HS3ST4: variants seen among roughly 807,000 people sequenced by gnomAD.
HS3ST4 encodes heparan sulfate glucosamine 3-O-sulfotransferase 4.
In HS3ST4, 17 loss-of-function variants were observed where a neutral mutation model predicts 29.2. The ratio of observed to expected loss-of-function variants is 0.58; its 90% confidence interval spans 0.40 to 0.87. HS3ST4 has a LOEUF of 0.87. Ranked by LOEUF, HS3ST4 falls within the 40% of genes least tolerant of loss-of-function variation. HS3ST4 has a pLI of 0.00. For missense variants in HS3ST4, 627 were observed against 634.5 expected (o/e 0.99, Z 0.13); for synonymous variants, 314 against 285.7 (o/e 1.10, Z -1.00).
At chr16:26,075,233 CTCTT>C (rs2141779309) in intron 1 of HS3ST4, among the ~76,000 whole-genome samples, 1 of 152,210 alleles carries the variant, frequency 6.6e-6, no homozygotes. Flanking sequence ...GTTGAGAAAA[CTCTT>C]CCAGACCAAC....
At chr16:25,950,670 G>A (rs186397511) in intron 1 of HS3ST4, among the ~76,000 whole-genome samples, 3 of 152,122 alleles carry the variant, frequency 2.0e-5, no homozygotes, top group Admixed American at 2.0e-4. Context: ...AAAGATCTAG[G>A]TTTGACACCT....
chr16:26,109,917 G>T (rs1053028463), intron 1 of HS3ST4, among the ~76,000 whole-genome samples: 1 of 152,014 alleles, frequency 6.6e-6, no homozygotes, highest in Non-Finnish European at 1.5e-5. Flanking sequence ...GAATATTTAA[G>T]ATCTACTTTC....
In HS3ST4 at chr16:26,136,508, T is replaced by A; in HGVS notation, c.*260T>A. ...CACCAGAACCCACTGTTCATTCTTA[T>A]CTTCTGCTAGTTAATATAGCCTGAA... On this transcript the variant is annotated 3_prime_UTR_variant, in exon 2 of 2. Coordinates refer to ENST00000331351, the MANE Select transcript of HS3ST4 (RefSeq NM_006040.3). 2 of 529,990 alleles carry A rather than the reference T, an allele frequency of 3.8e-6. No individual in the cohort carries two copies. Among genetic ancestry groups the A allele is most frequent in the South Asian group, 4.7e-5 (2 of 42,384 alleles). 32.8% of individuals were successfully genotyped at this position (529,990 alleles called of 1,614,324 possible).
At chr16:26,129,268 G>A (rs1052084518) in intron 1 of HS3ST4, among the ~76,000 whole-genome samples, 2 of 152,214 alleles carry the variant, frequency 1.3e-5, no homozygotes, top group Admixed American at 6.5e-5. Flanking sequence ...AACACATAAT[G>A]TGTCTCCTTT....
intron 1 of HS3ST4, among the ~76,000 whole-genome samples, chr16:26,092,956 G>T (rs1452289869): frequency 1.3e-5 from 2 of 152,314 alleles, no homozygotes; most frequent in African/African-American, 2.4e-5. Flanking sequence ...CTGACTCGGT[G>T]GGTCCTTCGC....
chr16:25,832,194 C>G (rs1161806796), intron 1 of HS3ST4, among the ~76,000 whole-genome samples: 1 of 152,184 alleles, frequency 6.6e-6, no homozygotes, highest in Non-Finnish European at 1.5e-5. Flanking sequence ...GGATCAGGGT[C>G]TCCATCAGGG....
intron 1 of HS3ST4, among the ~76,000 whole-genome samples, chr16:25,747,542 A>G (rs1003214551): frequency 6.6e-6 from 1 of 152,228 alleles, no homozygotes; most frequent in African/African-American, 2.4e-5. Flanking sequence ...GCATTTCCTC[A>G]TTTAATCCTC....
At chr16:25,810,498 T>C (rs1474884798) in intron 1 of HS3ST4, among the ~76,000 whole-genome samples, 1 of 152,228 alleles carries the variant, frequency 6.6e-6, no homozygotes, top group Non-Finnish European at 1.5e-5. Context: ...TGTTGAGCTC[T>C]ACTTCTCTGT....
intron 1 of HS3ST4, among the ~76,000 whole-genome samples, chr16:25,924,132 T>C (rs1266248079): frequency 6.6e-6 from 1 of 152,194 alleles, no homozygotes; most frequent in Non-Finnish European, 1.5e-5. Context: ...TGGCATCCAC[T>C]GTCTCAGTTA....
chr16:26,022,746 C>G (rs1406158486), intron 1 of HS3ST4, among the ~76,000 whole-genome samples: 1 of 151,008 alleles, frequency 6.6e-6, no homozygotes, highest in Non-Finnish European at 1.5e-5. Flanking sequence ...CTGGGCTGCT[C>G]AAGTAATCCT....
At chr16:25,946,123 A>G (rs1968623897) in intron 1 of HS3ST4, among the ~76,000 whole-genome samples, 1 of 152,160 alleles carries the variant, frequency 6.6e-6, no homozygotes, top group African/African-American at 2.4e-5. Context: ...TTTCTTGTGC[A>G]TCGATTTTGA....
chr16:26,025,999 C>T (rs192795754), intron 1 of HS3ST4, among the ~76,000 whole-genome samples: 262 of 152,286 alleles, frequency 1.7e-3, no homozygotes, highest in African/African-American at 6.1e-3. Context: ...TGGTCTCGAT[C>T]TCTTGATCTC....
At chr16:25,906,900 A>T (rs1968185406) in intron 1 of HS3ST4, among the ~76,000 whole-genome samples, 2 of 152,192 alleles carry the variant, frequency 1.3e-5, no homozygotes, top group African/African-American at 2.4e-5. Context: ...GTCTTGATTA[A>T]AGATTATGCT....
At chr16:25,825,684 T>C (rs1967208274) in intron 1 of HS3ST4, 1 of 152,256 alleles carries the variant, frequency 6.6e-6, no homozygotes, top group Non-Finnish European at 1.5e-5. Context: ...CCATATGTGC[T>C]AACTGTGTTC....
At chr16:25,866,184 A>G (rs887396014) in intron 1 of HS3ST4, among the ~76,000 whole-genome samples, 1 of 152,180 alleles carries the variant, frequency 6.6e-6, no homozygotes, top group Non-Finnish European at 1.5e-5. Flanking sequence ...GGGCTTCAAT[A>G]TGTGAATTCC....
chr16:25,944,617 A>C (rs1363755801), intron 1 of HS3ST4, among the ~76,000 whole-genome samples: 1 of 152,230 alleles, frequency 6.6e-6, no homozygotes, highest in African/African-American at 2.4e-5. Context: ...GCATAAGAGG[A>C]GATTCTTAAC....
At chr16:25,695,414 C>T (rs192093829) in intron 1 of HS3ST4, among the ~76,000 whole-genome samples, 3 of 152,194 alleles carry the variant, frequency 2.0e-5, no homozygotes, top group Non-Finnish European at 2.9e-5. Flanking sequence ...TGGGAAGACC[C>T]GTTGGACCCA....
chr16:25,992,090 G>GCTAAGTCCTAGGGCTA (rs1969119345), intron 1 of HS3ST4, among the ~76,000 whole-genome samples: 1 of 152,166 alleles, frequency 6.6e-6, no homozygotes, highest in Non-Finnish European at 1.5e-5. Context: ...TCTACCAAGT[G>GCTAAGTCCTAGGGCTA]CATGGTGCTA....
intron 1 of HS3ST4, among the ~76,000 whole-genome samples, chr16:26,083,027 G>A (rs917753451): frequency 6.6e-6 from 1 of 152,232 alleles, no homozygotes; most frequent in Admixed American, 6.5e-5. Context: ...AATGCTCAAT[G>A]AGTGGAAGCC....
Sources: allele counts gnomAD v4.1 joint callset (sites outside exome capture counted in the v4.1 genomes callset), GRCh38; gene constraint gnomAD v4.1.1; transcripts MANE v1.5; gene names NCBI Gene and HGNC (gene_info 2026-07-23, HGNC 2026-07-21).